Variants in PPP2R3C observed in about 807,000 individuals in gnomAD.
PPP2R3C encodes the protein protein phosphatase 2 regulatory subunit B''gamma, also known as serine/threonine-protein phosphatase 2A regulatory subunit B'' subunit gamma.
Under a neutral mutation model 63.7 loss-of-function variants are expected in PPP2R3C, and 47 were observed. The observed-to-expected ratio is 0.74, with a 90% CI of 0.58 to 0.94. The LOEUF is 0.94. Among genes scored for constraint, PPP2R3C ranks in the 40% least tolerant of loss-of-function variants. The pLI, the probability that PPP2R3C is intolerant of heterozygous loss-of-function variation, is 0.00. For synonymous variants in PPP2R3C, 180 were observed against 177.4 expected, an observed-to-expected ratio of 1.01 and a Z score of -0.12; for missense variants, 421 against 518.4, an observed-to-expected ratio of 0.81 and a Z score of 1.82.
chr14:35,121,020 C>A (rs1022731192), intron 1 of PPP2R3C, among the ~76,000 whole-genome samples: 8 of 151,838 alleles, frequency 5.3e-5, no homozygotes, highest in African/African-American at 1.9e-4. Context: ...GGAGAATGAA[C>A]GTCCAGGAAA....
chr14:35,096,892 C>CTA, intron 7 of PPP2R3C, 128 bp from the exon 8 acceptor site: 1 of 927,718 alleles, frequency 1.1e-6, no homozygotes, highest in African/African-American at 1.7e-5. Context: ...CTCTTATGCT[C>CTA]CAAAGTCCTT....
rs1039086213 is a variant in PPP2R3C, at chr14:35,088,836, C to T, written c.1114-826G>A. 4.0e-4 allele frequency among the ~76,000 whole-genome samples: 61 copies of T among 152,062 alleles called. 1 individual carries two copies. The highest frequency in any genetic ancestry group is 1.8e-4 in the Non-Finnish European group (12 of 68,016). On this transcript the variant is annotated intron_variant, in intron 11 of 12. Coordinates refer to ENST00000261475, the MANE Select transcript of PPP2R3C (RefSeq NM_017917.4). ...AGCATTGGACACTTTTTACCTTATC[C>T]CATATAACCAAGCCTAAATAAGCTT...
At chr14:35,115,983 T>G (rs1326193573) in intron 2 of PPP2R3C, among the ~76,000 whole-genome samples, 1 of 152,190 alleles carries the variant, frequency 6.6e-6, no homozygotes, top group Non-Finnish European at 1.5e-5. Flanking sequence ...GAGCAAAATT[T>G]TAAAACTTTA....
intron 1 of PPP2R3C, 106 bp downstream of exon 1, chr14:35,121,796 A>C (rs558749391): frequency 7.7e-7 from 1 of 1,293,118 alleles, no homozygotes; most frequent in African/African-American, 1.5e-5. Context: ...GAGGTTTCAC[A>C]GAAGCGGAAA....
At chr14:35,107,580 T>A (rs1278091155) in intron 5 of PPP2R3C, 2 of 541,224 alleles carry the variant, frequency 3.7e-6, no homozygotes, top group Non-Finnish European at 6.7e-6. Context: ...AATTGACACC[T>A]TGAAGATACT....
rs1316542413 is a variant in PPP2R3C at position 35,090,995 on chromosome 14, G to A, written c.1113+75C>T. ...CTCCCAAAGTGCTGGGATTACAGGCGTGAGCCACTGCACCGGCAGCAACAA... is the reference window on the plus strand; with the variant it reads ...CTCCCAAAGTGCTGGGATTACAGGCATGAGCCACTGCACCGGCAGCAACAA... On this transcript the variant is annotated intron_variant, in intron 11 of 12. Transcript: ENST00000261475. The A allele has an allele frequency of 3.2e-5, 45 of 1,394,778 alleles. No homozygotes were observed. In the Middle Eastern group the frequency reaches 6.9e-4, roughly 21 times the overall value. 86.4% of individuals were successfully genotyped at this position (1,394,778 alleles called of 1,614,324 possible). A position where few individuals can be genotyped will look rare whatever the true frequency, so the allele number is the denominator to read the frequency against.
intron 7 of PPP2R3C, 45 bp from the exon 8 acceptor site, chr14:35,096,809 G>C (rs372114697): frequency 8.7e-6 from 13 of 1,498,768 alleles, no homozygotes; most frequent in Middle Eastern, 2.3e-4. Context: ...TTTAAGAAAA[G>C]AGCAACTCAA....
chr14:35,110,031 G>T, intron 3 of PPP2R3C, 100 bp from the exon 4 acceptor site: 1 of 818,336 alleles, frequency 1.2e-6, no homozygotes, highest in Non-Finnish European at 1.9e-6. Context: ...GAGTTTGTTG[G>T]CAGAGTCAAT....
At chr14:35,091,387 A>G (rs1287642865) in intron 10 of PPP2R3C, among the ~76,000 whole-genome samples, 180 bp from the exon 11 acceptor site, 1 of 152,162 alleles carries the variant, frequency 6.6e-6, no homozygotes, top group Non-Finnish European at 1.5e-5. Flanking sequence ...TTTTTTCGAG[A>G]CAGAGTTTCA....
chr14:35,091,025 A>G, intron 11 of PPP2R3C, 45 bp downstream of exon 11: 1 of 1,535,776 alleles, frequency 6.5e-7, no homozygotes, highest in Non-Finnish European at 8.9e-7. Context: ...CAACAAAATG[A>G]TATATCTTAA....
At chr14:35,121,232 C>A (rs2046877008) in intron 1 of PPP2R3C, among the ~76,000 whole-genome samples, 2 of 152,080 alleles carry the variant, frequency 1.3e-5, no homozygotes, top group South Asian at 4.1e-4. Flanking sequence ...CAAAAATTAA[C>A]CGGCCGTGGT....
chr14:35,120,764 T>G (rs1026664890), intron 1 of PPP2R3C, among the ~76,000 whole-genome samples: 2 of 151,850 alleles, frequency 1.3e-5, no homozygotes, highest in African/African-American at 4.8e-5. Flanking sequence ...CCAGGCAACA[T>G]AGCAAGACCT....
At chr14:35,099,549 T>TAA (rs3985306) in intron 6 of PPP2R3C, 165 bp from the exon 7 acceptor site, 948,246 of 948,404 alleles carry the variant, frequency 1, 474,044 homozygotes, top group Middle Eastern at 1. Flanking sequence ...GTTTCTAATT[T>TAA]GTTTTAGCAT....
intron 7 of PPP2R3C, 85 bp from the exon 8 acceptor site, chr14:35,096,849 G>A: frequency 8.4e-7 from 1 of 1,192,470 alleles, no homozygotes; most frequent in Non-Finnish European, 1.2e-6. Flanking sequence ...TTTAACAAGA[G>A]CAATCACACA....
intron 10 of PPP2R3C, among the ~76,000 whole-genome samples, chr14:35,093,512 T>C (rs2045898075): frequency 6.6e-6 from 1 of 152,090 alleles, no homozygotes; most frequent in Non-Finnish European, 1.5e-5. Flanking sequence ...CTGTGCCTTT[T>C]CCCCTCTTTT....
intron 7 of PPP2R3C, among the ~76,000 whole-genome samples, chr14:35,097,504 CAG>C (rs1168894786): frequency 2.1e-5 from 3 of 139,774 alleles, no homozygotes; most frequent in Admixed American, 7.5e-5. Flanking sequence ...TTTTTTGAGA[CAG>C]AGTTTCGCTC....
At chr14:35,099,741 C>CTT (rs11393206) in intron 6 of PPP2R3C, 516 of 156,172 alleles carry the variant, frequency 3.3e-3, no homozygotes, top group Middle Eastern at 0.013. Flanking sequence ...TTCTTTCCCT[C>CTT]TTTTTTTTTT....
chr14:35,110,197 C>T (rs1193655860), intron 3 of PPP2R3C: 2 of 444,166 alleles, frequency 4.5e-6, no homozygotes, highest in Non-Finnish European at 8.0e-6. Flanking sequence ...ATAATCGAAG[C>T]ACAGAGATGT....
rs1566682133 is a variant in PPP2R3C at position 35,087,935 on chromosome 14, T to A, written c.1173+16A>T. 1 of 1,571,878 alleles carries A rather than the reference T, an allele frequency of 6.4e-7. No homozygotes were observed. The highest frequency in any genetic ancestry group is 8.8e-7 in the Non-Finnish European group (1 of 1,142,330). On this transcript the variant is annotated intron_variant, in intron 12 of 12. Coordinates refer to ENST00000261475, the MANE Select transcript of PPP2R3C (RefSeq NM_017917.4). ...CATAATTATCTGGTAATACGTAAAT[T>A]AAAGGAAAAGATAACCTTGACATCT... is the stretch of plus-strand genomic sequence containing the variant.
Sources: gnomAD v4.1 joint callset for allele counts (sites outside exome capture counted in the v4.1 genomes callset) on GRCh38, gnomAD v4.1.1 for gene constraint, MANE v1.5 for transcripts, NCBI Gene and HGNC (gene_info 2026-07-23, HGNC 2026-07-21) for gene names.